Variants in LACTBL1 observed in about 807,000 individuals in gnomAD.
The protein encoded by LACTBL1 is beta-lactamase-like protein 1.
LACTBL1 carries 29 observed loss-of-function variants against 39.6 expected under a neutral mutation model. That is an observed-to-expected ratio of 0.73 (90% CI 0.55 to 1.00). LACTBL1 has a LOEUF of 1.00. Ranked by LOEUF, LACTBL1 falls within the 50% of genes least tolerant of loss-of-function variation. The pLI, the probability that LACTBL1 is intolerant of heterozygous loss-of-function variation, is 0.00. For synonymous variants in LACTBL1, 361 were observed against 360.7 expected, an observed-to-expected ratio of 1.00 and a Z score of -0.01; for missense variants, 711 against 748.5, an observed-to-expected ratio of 0.95 and a Z score of 0.59.
intron 1 of LACTBL1, among the ~76,000 whole-genome samples, chr1:22,964,449 C>T (rs561120626): frequency 6.6e-6 from 1 of 152,210 alleles, no homozygotes; most frequent in African/African-American, 2.4e-5. Context: ...CCGCCCCCCT[C>T]AACCCGACCC....
intron 5 of LACTBL1, among the ~76,000 whole-genome samples, chr1:22,954,305 A>G (rs539677672): frequency 6.6e-6 from 1 of 152,220 alleles, no homozygotes; most frequent in South Asian, 2.1e-4. Context: ...TGTCACACAA[A>G]TCTTATTGGT....
At chr1:22,963,304 T>TCA (rs1199443547) in intron 1 of LACTBL1, 88 bp from the exon 4 acceptor site, 2 of 699,836 alleles carry the variant, frequency 2.9e-6, no homozygotes, top group African/African-American at 3.8e-5. Context: ...GAGCAGTGCC[T>TCA]CAAGGACAGC....
At chr1:22,961,879 T>A (rs969007784) in intron 2 of LACTBL1, among the ~76,000 whole-genome samples, 3 of 152,204 alleles carry the variant, frequency 2.0e-5, no homozygotes, top group Admixed American at 2.0e-4. Flanking sequence ...CCTGAGGAGC[T>A]GGGATTACAG....
chr1:22,958,815 G>A, exon 4 of LACTBL1: 1 of 1,550,712 alleles, frequency 6.4e-7, no homozygotes, highest in Non-Finnish European at 8.7e-7. Flanking sequence ...TAATGGTGAA[G>A]GTGCTGGCAT....
upstream of LACTBL1, chr1:22,965,515 A>G: frequency 1.5e-6 from 1 of 686,504 alleles, no homozygotes. Context: ...CTAGGCCTCA[A>G]GTTAGCCAGA....
upstream of LACTBL1, among the ~76,000 whole-genome samples, chr1:22,967,818 A>G (rs567427804): frequency 6.6e-6 from 1 of 152,256 alleles, no homozygotes; most frequent in African/African-American, 2.4e-5. Flanking sequence ...TCCCCATCCC[A>G]TAAGGATTGT....
exon 6 of LACTBL1, chr1:22,953,487 C>A (rs1054133545): frequency 8.1e-7 from 1 of 1,230,512 alleles, no homozygotes; most frequent in African/African-American, 1.6e-5. Flanking sequence ...CGTAGGCCCG[C>A]GCCACCAGGT....
At chr1:22,965,202 C>T (rs1455013450) in intron 1 of LACTBL1, 88 bp downstream of exon 3, 1 of 1,168,370 alleles carries the variant, frequency 8.6e-7, no homozygotes, top group African/African-American at 1.6e-5. Flanking sequence ...TGGTCCTCCC[C>T]TACACACTAG....
At chr1:22,960,811 AC>A (rs1386831333) in intron 2 of LACTBL1, among the ~76,000 whole-genome samples, 1 of 151,948 alleles carries the variant, frequency 6.6e-6, no homozygotes, top group African/African-American at 2.4e-5. Flanking sequence ...ATGAAGTCTC[AC>A]CATGTCACCC....
chr1:22,955,907 C>T (rs1570498235), intron 4 of LACTBL1, among the ~76,000 whole-genome samples: 1 of 151,554 alleles, frequency 6.6e-6, no homozygotes, highest in Non-Finnish European at 1.5e-5. Context: ...TCTAAAAATA[C>T]AAAAAAATTA....
chr1:22,963,872 C>T (rs895001468), intron 1 of LACTBL1, among the ~76,000 whole-genome samples: 1 of 152,086 alleles, frequency 6.6e-6, no homozygotes, highest in African/African-American at 2.4e-5. Context: ...TTCCACTGTG[C>T]CCTGAGACTC....
rs1289378856 is a variant in LACTBL1, at chr1:22,953,968, G to T, written c.716C>A (p.Thr239Asn). The T allele has an allele frequency of 7.7e-6, 12 of 1,549,312 alleles. No individual in the cohort carries two copies. The South Asian group carries it at 1.2e-4, about 15-fold the overall frequency. The change falls in exon 6 of 6, where the codon ACC becomes AAC. Residue 239 changes from threonine to asparagine, a missense_variant. Transcript: ENST00000426928. ...CCAGCGCTGGTAGTCGCCCTGGGCG[G>T]TGTGAGCTGCCAGGACGTGGGCCAG... is the stretch of plus-strand genomic sequence containing the variant.
exon 3 of LACTBL1, chr1:22,960,083 C>T (rs561883791): frequency 2.6e-5 from 41 of 1,550,612 alleles, no homozygotes; most frequent in Middle Eastern, 1.7e-4. Flanking sequence ...CATTGCCTGG[C>T]GCAGGATCTG....
exon 6 of LACTBL1, chr1:22,953,326 A>T: frequency 8.2e-7 from 1 of 1,225,552 alleles, no homozygotes; most frequent in African/African-American, 1.6e-5. Flanking sequence ...GAACTGGCGC[A>T]GGCGCAGCTC....
intron 2 of LACTBL1, 113 bp from the exon 5 acceptor site, chr1:22,960,212 C>A (rs1570500461): frequency 3.1e-6 from 4 of 1,301,260 alleles, no homozygotes; most frequent in Middle Eastern, 2.6e-4. Flanking sequence ...CCCCAGTGAG[C>A]CTCCCAGCTA....
upstream of LACTBL1, among the ~76,000 whole-genome samples, chr1:22,968,178 A>G (rs637168): frequency 0.8 from 122,474 of 152,178 alleles, 49,714 homozygotes; most frequent in Non-Finnish European, 0.83. Flanking sequence ...GCTAACTACA[A>G]TTCTGGGTTA....
At chr1:22,959,865 G>C in intron 3 of LACTBL1, 77 bp downstream of exon 5, 1 of 1,489,334 alleles carries the variant, frequency 6.7e-7, no homozygotes, top group Non-Finnish European at 9.1e-7. Context: ...ATTCTCTTCA[G>C]TATCCTTACC....
chr1:22,959,844 C>A, intron 3 of LACTBL1, 98 bp downstream of exon 5: 1 of 1,383,368 alleles, frequency 7.2e-7, no homozygotes, highest in Non-Finnish European at 9.8e-7. Flanking sequence ...GCAGATTAGA[C>A]CCCAGCCATG....
chr1:22,953,394 G>A, exon 6 of LACTBL1: 2 of 1,228,080 alleles, frequency 1.6e-6, no homozygotes, highest in East Asian at 3.2e-5. Flanking sequence ...TGAAGTAGCC[G>A]GCGAAGGGGT....
Sources: gnomAD v4.1 joint callset for allele counts (sites outside exome capture counted in the v4.1 genomes callset) on GRCh38, gnomAD v4.1.1 for gene constraint, MANE v1.5 for transcripts, NCBI Gene and HGNC (gene_info 2026-07-23, HGNC 2026-07-21) for gene names.